The following RCC1L variants were observed in gnomAD, a reference collection of about 807,000 sequenced individuals.
RCC1L encodes the protein RCC1-like G exchanging factor-like protein.
A neutral mutation model predicts 58.6 loss-of-function variants in RCC1L; 46 were observed. That is an observed-to-expected ratio of 0.79 (90% CI 0.62 to 1.00). The LOEUF (loss-of-function observed/expected upper bound fraction) is 1.00, where lower values mean the gene tolerates loss of function less well. Among genes scored for constraint, RCC1L ranks in the 50% least tolerant of loss-of-function variants. The pLI is 0.00. For missense variants in RCC1L, 636 were observed against 623.6 expected, an observed-to-expected ratio of 1.02 and a Z score of -0.21; for synonymous variants, 281 against 262.9, an observed-to-expected ratio of 1.07 and a Z score of -0.67.
intron 6 of RCC1L, among the ~76,000 whole-genome samples, chr7:75,060,166 T>C (rs587656704): frequency 0.019 from 2,931 of 152,354 alleles, 52 homozygotes; most frequent in Middle Eastern, 0.1. Context: ...ATCAGTATCA[T>C]GCATTTAAGT....
At chr7:75,055,774 T>TG (rs1806056774) in intron 9 of RCC1L, 127 bp downstream of exon 9, 4 of 1,075,126 alleles carry the variant, frequency 3.7e-6, no homozygotes, top group Non-Finnish European at 5.6e-6. Flanking sequence ...CTTGCTTGAG[T>TG]TATCAGTACA....
At chr7:75,052,666 T>C in intron 10 of RCC1L, 45 bp downstream of exon 10, 1 of 1,563,882 alleles carries the variant, frequency 6.4e-7, no homozygotes, top group Non-Finnish European at 8.7e-7. Context: ...GTCAGGTGAC[T>C]CTACTCTTAG....
Position 75,064,791 on chromosome 7 carries a change from T to G in RCC1L, c.584-143A>C, listed in dbSNP as rs1465349636. 12 of 887,000 alleles carry G rather than the reference T, an allele frequency of 1.4e-5. No homozygotes were observed. The East Asian group carries it at 1.8e-4, about 13-fold the overall frequency. The allele number at this position is 887,000 out of a possible 1,614,324, so 54.9% of individuals were successfully genotyped here. ...TGCCCCTGGGTTTCCTTCTCCAACT[T>G]TCTCAGGCTCTGCAGAAACTCACAA... On this transcript the variant is annotated intron_variant, in intron 3 of 10. Coordinates refer to ENST00000610322, the MANE Select transcript of RCC1L (RefSeq NM_030798.5).
At chr7:75,035,447 TAC>T (rs1323204943) in intron 10 of RCC1L, among the ~76,000 whole-genome samples, 1 of 152,166 alleles carries the variant, frequency 6.6e-6, no homozygotes, top group African/African-American at 2.4e-5. Flanking sequence ...TCTTGGAATT[TAC>T]AGAGTGTGTT....
At chr7:75,028,890 A>G (rs1463394028) in intron 10 of RCC1L, among the ~76,000 whole-genome samples, 2 of 152,056 alleles carry the variant, frequency 1.3e-5, no homozygotes, top group Admixed American at 1.3e-4. Flanking sequence ...CCAAAGCCTC[A>G]CTCCAAACCA....
downstream of RCC1L, among the ~76,000 whole-genome samples, chr7:75,040,088 C>G (rs1398629369): frequency 6.6e-6 from 1 of 152,178 alleles, no homozygotes; most frequent in Admixed American, 6.5e-5. Flanking sequence ...CCTGGGCAGA[C>G]AGAGCCCAGC....
intron 10 of RCC1L, among the ~76,000 whole-genome samples, chr7:75,047,711 A>G (rs1003639810): frequency 3.1e-4 from 47 of 151,208 alleles, no homozygotes; most frequent in Admixed American, 2.7e-3. Context: ...GCAGTGGCGC[A>G]ATCTCGGCTC....
chr7:75,044,114 C>T (rs894526627), intron 10 of RCC1L, among the ~76,000 whole-genome samples: 46 of 152,294 alleles, frequency 3.0e-4, no homozygotes, highest in Non-Finnish European at 1.6e-4. Flanking sequence ...GTTGGAAGGG[C>T]GCCCACTGTT....
At chr7:75,027,909 G>A in exon 11 of RCC1L, 1 of 1,094,522 alleles carries the variant, frequency 9.1e-7, no homozygotes, top group Non-Finnish European at 1.3e-6. Context: ...CTCCTGGTCT[G>A]CTGGGTGGGA....
chr7:75,055,156 G>A (rs1806036685), intron 9 of RCC1L, among the ~76,000 whole-genome samples: 1 of 152,210 alleles, frequency 6.6e-6, no homozygotes, highest in Non-Finnish European at 1.5e-5. Flanking sequence ...TCTTTTAATT[G>A]CAAGGAAATA....
chr7:75,065,202 AAAG>A (rs1806425512), intron 3 of RCC1L, among the ~76,000 whole-genome samples: 1 of 152,068 alleles, frequency 6.6e-6, no homozygotes, highest in African/African-American at 2.4e-5. Flanking sequence ...AAAAAAAAAA[AAAG>A]AAAGAGCTCC....
chr7:75,060,057 C>T (rs1469043029), intron 6 of RCC1L, among the ~76,000 whole-genome samples: 5 of 152,144 alleles, frequency 3.3e-5, no homozygotes, highest in African/African-American at 1.2e-4. Context: ...CCACCGCGCC[C>T]GGCCCCGATC....
At chr7:75,048,884 C>T (rs1805826200) in intron 10 of RCC1L, among the ~76,000 whole-genome samples, 1 of 152,198 alleles carries the variant, frequency 6.6e-6, no homozygotes, top group Non-Finnish European at 1.5e-5. Flanking sequence ...GTAACTGAGT[C>T]CAAATCCTGG....
intron 10 of RCC1L, among the ~76,000 whole-genome samples, chr7:75,035,378 C>A (rs1199631249): frequency 1.3e-5 from 2 of 152,120 alleles, no homozygotes; most frequent in Non-Finnish European, 2.9e-5. Context: ...AGGCAGAAAG[C>A]CTGCCATGAG....
rs1284682495 is a variant in RCC1L, at chr7:75,052,610, A to G, written c.1317+101T>C. ...GGACCCGGAAGGGGGAGCAGGTCCC[A>G]TGGCCCTCGTCCTGGCCCATCTGCA... On this transcript the variant is annotated intron_variant, in intron 10 of 10. Coordinates refer to ENST00000610322, the MANE Select transcript of RCC1L (RefSeq NM_030798.5). 1.2e-5 allele frequency: 13 copies of G among 1,123,940 alleles called. No individual in the cohort carries two copies. In the South Asian group the frequency reaches 1.2e-4, roughly 11 times the overall value. The allele number at this position is 1,123,940 out of a possible 1,614,324, so 69.6% of individuals were successfully genotyped here.
chr7:75,033,238 C>T (rs1181557404), intron 10 of RCC1L, among the ~76,000 whole-genome samples: 2 of 152,092 alleles, frequency 1.3e-5, no homozygotes, highest in African/African-American at 4.8e-5. Context: ...GGATGCAGTG[C>T]TAGGATGGAC....
At chr7:75,067,075 G>A (rs1806521266) in intron 2 of RCC1L, among the ~76,000 whole-genome samples, 1 of 152,056 alleles carries the variant, frequency 6.6e-6, no homozygotes, top group Non-Finnish European at 1.5e-5. Context: ...GCCGAAGCGG[G>A]CAGATCACCT....
In RCC1L at chr7:75,056,017, A is replaced by G. The variant is rs781789950; in HGVS notation, c.1115T>C (p.Val372Ala). 5.1e-5 allele frequency: 83 copies of G among 1,613,818 alleles called. No individual in the cohort carries two copies. Among genetic ancestry groups the G allele is most frequent in the Non-Finnish European group, 6.9e-5 (82 of 1,179,864 alleles). Reference sequence around the variant, plus strand: ...AATCATTTCAGGGACGGCACTTTCCACTAGGTTTGGACCTTTCCCAAGAAT... The same window carrying G: ...AATCATTTCAGGGACGGCACTTTCCGCTAGGTTTGGACCTTTCCCAAGAAT... Reference protein sequence around the residue: ...YGILGKGPNLVESAVPEMIPP... With the variant: ...YGILGKGPNLAESAVPEMIPP... Residue 372 changes from valine (V) to alanine (A), a missense_variant, in exon 9 of 11, where the codon GTG becomes GCG. Val to Ala is a moderately conservative substitution (Grantham distance 64). Coordinates refer to ENST00000610322, the MANE Select transcript of RCC1L (RefSeq NM_030798.5).
At chr7:75,036,793 G>A (rs1326055234) in intron 10 of RCC1L, among the ~76,000 whole-genome samples, 2 of 152,018 alleles carry the variant, frequency 1.3e-5, no homozygotes, top group Admixed American at 6.6e-5. Flanking sequence ...CCAGCTATTC[G>A]GGAGGCTGAG....
Sources: allele counts gnomAD v4.1 joint callset (sites outside exome capture counted in the v4.1 genomes callset), GRCh38; gene constraint gnomAD v4.1.1; transcripts MANE v1.5; gene names NCBI Gene and HGNC (gene_info 2026-07-23, HGNC 2026-07-21).